Variants in CAMKMT observed in about 807,000 individuals in gnomAD.
CAMKMT encodes CaM KMT.
In CAMKMT, 53 loss-of-function variants were observed where a neutral mutation model predicts 48.0. The observed-to-expected ratio is 1.10, with a 90% CI of 0.89 to 1.39. CAMKMT has a LOEUF of 1.39. Among genes scored for constraint, CAMKMT ranks in the 40% most tolerant of loss-of-function variants. The pLI is 0.00. For missense variants in CAMKMT, 428 were observed against 402.7 expected, an observed-to-expected ratio of 1.06 and a Z score of -0.54; for synonymous variants, 165 against 152.3, an observed-to-expected ratio of 1.08 and a Z score of -0.61.
At chr2:44,656,062 A>G (rs953134722) in intron 3 of CAMKMT, among the ~76,000 whole-genome samples, 2 of 152,240 alleles carry the variant, frequency 1.3e-5, no homozygotes, top group African/African-American at 2.4e-5. Flanking sequence ...AAAATAATCT[A>G]TTAATGAGTG....
intron 3 of CAMKMT, among the ~76,000 whole-genome samples, chr2:44,443,868 C>G (rs552059892): frequency 1.9e-4 from 29 of 152,238 alleles, no homozygotes; most frequent in Admixed American, 5.9e-4. Flanking sequence ...CTGAAGCTGC[C>G]TAGTGGGCTT....
intron 3 of CAMKMT, among the ~76,000 whole-genome samples, chr2:44,419,221 G>C (rs970864566): frequency 6.6e-6 from 1 of 152,198 alleles, no homozygotes; most frequent in Admixed American, 6.5e-5. Flanking sequence ...GTACCACTTA[G>C]ATGCACTTAG....
intron 3 of CAMKMT, among the ~76,000 whole-genome samples, chr2:44,456,226 G>A (rs887266588): frequency 7.2e-5 from 11 of 152,246 alleles, no homozygotes; most frequent in Middle Eastern, 3.4e-3. Flanking sequence ...GAAAACAAGT[G>A]TTCATTTTCA....
intron 3 of CAMKMT, among the ~76,000 whole-genome samples, chr2:44,667,276 A>G (rs1675044713): frequency 6.6e-6 from 1 of 152,150 alleles, no homozygotes; most frequent in South Asian, 2.1e-4. Context: ...ATGTTGACTC[A>G]TTCCATCCAC....
intron 3 of CAMKMT, among the ~76,000 whole-genome samples, chr2:44,604,074 T>C (rs1671148919): frequency 6.6e-6 from 1 of 152,208 alleles, no homozygotes; most frequent in African/African-American, 2.4e-5. Flanking sequence ...AATTGTTTAG[T>C]GTTTATCACT....
chr2:44,384,410 C>T (rs1358351821), intron 2 of CAMKMT, among the ~76,000 whole-genome samples: 1 of 151,312 alleles, frequency 6.6e-6, no homozygotes, highest in Non-Finnish European at 1.5e-5. Flanking sequence ...TGAAGATTTT[C>T]TCCCACTCTC....
intron 7 of CAMKMT, among the ~76,000 whole-genome samples, chr2:44,725,881 T>G (rs748056275): frequency 2.0e-5 from 3 of 151,952 alleles, no homozygotes; most frequent in Non-Finnish European, 4.4e-5. Flanking sequence ...AAGGAGTACA[T>G]GTGCAGATTT....
In CAMKMT at chr2:44,394,760, C is replaced by T. The variant is rs1307621408; in HGVS notation, c.376+4455C>T. On this transcript the variant is annotated intron_variant, in intron 3 of 10. Coordinates refer to ENST00000378494, the MANE Select transcript of CAMKMT (RefSeq NM_024766.5). Reference sequence around the variant, plus strand: ...GATTTTTAATGCACACAGCTATAGACTTTGCTTCCTAGTGGTCTGATAGCA... The same window carrying T: ...GATTTTTAATGCACACAGCTATAGATTTTGCTTCCTAGTGGTCTGATAGCA... 8 of 434,266 alleles carry T rather than the reference C, an allele frequency of 1.8e-5. No individual in the cohort carries two copies. In the Admixed American group the frequency reaches 1.9e-4, roughly 11 times the overall value. 26.9% of individuals were successfully genotyped at this position (434,266 alleles called of 1,614,324 possible). A position where few individuals can be genotyped will look rare whatever the true frequency, so the allele number is the denominator to read the frequency against.
chr2:44,506,694 G>A (rs1670278551), intron 3 of CAMKMT, among the ~76,000 whole-genome samples: 1 of 152,128 alleles, frequency 6.6e-6, no homozygotes, highest in Admixed American at 6.5e-5. Flanking sequence ...ATTTCACATA[G>A]TATAAATATA....
At chr2:44,696,033 C>T (rs1676931433) in intron 3 of CAMKMT, among the ~76,000 whole-genome samples, 1 of 152,072 alleles carries the variant, frequency 6.6e-6, no homozygotes, top group Admixed American at 6.5e-5. Flanking sequence ...ACCTCCAACT[C>T]CCAGGTTCAG....
chr2:44,583,691 G>A (rs1405037180), intron 3 of CAMKMT, among the ~76,000 whole-genome samples: 6 of 152,102 alleles, frequency 3.9e-5, no homozygotes, highest in Non-Finnish European at 7.4e-5. Flanking sequence ...AGCTACTTGG[G>A]AGGGTGAGGG....
intron 3 of CAMKMT, among the ~76,000 whole-genome samples, chr2:44,635,971 G>A (rs1441401530): frequency 6.6e-6 from 1 of 152,106 alleles, no homozygotes; most frequent in African/African-American, 2.4e-5. Flanking sequence ...ATTTCAGTGG[G>A]CTACGTGTCA....
chr2:44,612,202 G>C (rs898601788), intron 3 of CAMKMT, among the ~76,000 whole-genome samples: 1 of 152,036 alleles, frequency 6.6e-6, no homozygotes, highest in South Asian at 2.1e-4. Context: ...ATCAAAACCT[G>C]ATAATAGTAA....
chr2:44,463,880 T>G (rs1189067826), intron 3 of CAMKMT, among the ~76,000 whole-genome samples: 1 of 152,114 alleles, frequency 6.6e-6, no homozygotes, highest in African/African-American at 2.4e-5. Context: ...ATGTAAAGAT[T>G]GGGAGAGGTG....
chr2:44,417,690 C>G (rs1280155471), intron 3 of CAMKMT, among the ~76,000 whole-genome samples: 1 of 152,126 alleles, frequency 6.6e-6, no homozygotes, highest in East Asian at 1.9e-4. Context: ...TATGAGAGTT[C>G]CAGTTGCTTC....
intron 2 of CAMKMT, among the ~76,000 whole-genome samples, chr2:44,380,431 A>G (rs1438025401): frequency 6.6e-6 from 1 of 152,214 alleles, no homozygotes. Context: ...AAGTTTGAGC[A>G]GTTTCTTTTG....
intron 3 of CAMKMT, among the ~76,000 whole-genome samples, chr2:44,424,197 C>T (rs1244761239): frequency 3.3e-5 from 5 of 151,572 alleles, no homozygotes; most frequent in Non-Finnish European, 5.9e-5. Flanking sequence ...GTTTCTGTAC[C>T]GTATGTATTT....
At position 44,395,332 on chromosome 2, in the gene CAMKMT, A is replaced by G. The variant is rs1321000739; in HGVS notation, c.376+5027A>G. ...CATGTGTGTATACATATGCATATAT[A>G]CATATATGTAGTATATGTGTATACA... On this transcript the variant is annotated intron_variant, in intron 3 of 10. Coordinates refer to ENST00000378494, the MANE Select transcript of CAMKMT (RefSeq NM_024766.5). Among the ~76,000 whole-genome samples the G allele has an allele frequency of 2.0e-5, 3 of 152,202 alleles. No individual in the cohort carries two copies. The East Asian group carries it at 5.8e-4, about 29-fold the overall frequency.
chr2:44,601,230 G>A (rs554997225), intron 3 of CAMKMT, among the ~76,000 whole-genome samples: 1 of 152,164 alleles, frequency 6.6e-6, no homozygotes, highest in African/African-American at 2.4e-5. Flanking sequence ...GCCAAGATGG[G>A]CAGATCACCT....
Sources: allele counts gnomAD v4.1 joint callset (sites outside exome capture counted in the v4.1 genomes callset), GRCh38; gene constraint gnomAD v4.1.1; transcripts MANE v1.5; gene names NCBI Gene and HGNC (gene_info 2026-07-23, HGNC 2026-07-21).